Variants in SOX5 observed in about 807,000 individuals in gnomAD.
SOX5 encodes the protein SRY-box transcription factor 5.
Under a neutral mutation model 92.0 loss-of-function variants are expected in SOX5, and 9 were observed. The observed-to-expected ratio is 0.10, with a 90% CI of 0.06 to 0.17. The LOEUF (loss-of-function observed/expected upper bound fraction) is 0.17, where lower values mean the gene tolerates loss of function less well. Ranked by LOEUF, SOX5 falls within the 10% of genes least tolerant of loss-of-function variation. SOX5 has a pLI of 1.00. For synonymous variants in SOX5, 344 were observed against 336.3 expected (o/e 1.02, Z -0.25); for missense variants, 642 against 944.5 (o/e 0.68, Z 4.20).
At chr12:23,815,189 CT>C (rs1389588730) in intron 3 of SOX5, among the ~76,000 whole-genome samples, 5 of 152,090 alleles carry the variant, frequency 3.3e-5, no homozygotes, top group African/African-American at 1.2e-4. Context: ...CAGCAATTTC[CT>C]CCATCTAGCT....
At chr12:24,474,405 GA>G (rs1409435635) in intron 1 of SOX5, among the ~76,000 whole-genome samples, 1 of 152,192 alleles carries the variant, frequency 6.6e-6, no homozygotes, top group African/African-American at 2.4e-5. Flanking sequence ...CGGTGTGGAT[GA>G]CCCCCCCACC....
At chr12:23,571,053 G>A (rs1948284837) in intron 10 of SOX5, among the ~76,000 whole-genome samples, 1 of 141,760 alleles carries the variant, frequency 7.1e-6, no homozygotes, top group Admixed American at 7.1e-5. Context: ...CAGGTGGGAG[G>A]ATCATTTGAG....
chr12:23,911,560 T>C (rs1595578994), intron 1 of SOX5, among the ~76,000 whole-genome samples: 1 of 152,108 alleles, frequency 6.6e-6, no homozygotes, highest in Admixed American at 6.6e-5. Context: ...TAATAACATA[T>C]AATGATTAAA....
At chr12:24,219,978 C>T (rs894072136) in intron 3 of SOX5, among the ~76,000 whole-genome samples, 7 of 152,118 alleles carry the variant, frequency 4.6e-5, no homozygotes, top group Non-Finnish European at 7.4e-5. Flanking sequence ...TTAGTTTCCT[C>T]ATCTTTAAAG....
chr12:24,263,772 C>T (rs1007241383), intron 3 of SOX5, among the ~76,000 whole-genome samples: 4 of 152,236 alleles, frequency 2.6e-5, no homozygotes, highest in Middle Eastern at 6.8e-3. Flanking sequence ...TATTTACCTA[C>T]GTAGCATTTC....
chr12:24,273,628 C>A (rs1443122421), intron 3 of SOX5, among the ~76,000 whole-genome samples: 1 of 151,726 alleles, frequency 6.6e-6, no homozygotes, highest in Non-Finnish European at 1.5e-5. Flanking sequence ...CCTTTTCCAA[C>A]AATCGGTTTT....
chr12:24,498,432 C>T (rs1015469732), intron 1 of SOX5, among the ~76,000 whole-genome samples: 5 of 152,044 alleles, frequency 3.3e-5, no homozygotes, highest in Non-Finnish European at 5.9e-5. Flanking sequence ...ACCTACATTC[C>T]TTCTACCTCT....
chr12:23,964,500 G>A (rs1254272726), intron 4 of SOX5, among the ~76,000 whole-genome samples: 1 of 152,152 alleles, frequency 6.6e-6, no homozygotes, highest in Admixed American at 6.5e-5. Context: ...ATACCCACAA[G>A]TATACAGCAT....
chr12:23,989,204 C>T (rs541827395), intron 4 of SOX5, among the ~76,000 whole-genome samples: 1 of 127,536 alleles, frequency 7.8e-6, no homozygotes, highest in Non-Finnish European at 1.6e-5. Flanking sequence ...AAAACCCTGT[C>T]TCTGCCAAAA....
At chr12:23,621,750 A>G (rs1437464728) in intron 8 of SOX5, among the ~76,000 whole-genome samples, 2 of 152,172 alleles carry the variant, frequency 1.3e-5, no homozygotes, top group African/African-American at 4.8e-5. Flanking sequence ...AACCAAATCC[A>G]GTAATGCCTT....
chr12:24,002,569 G>GTTTTTTTTTTTTGTTCTT (rs1555468917), intron 4 of SOX5, among the ~76,000 whole-genome samples: 16 of 149,086 alleles, frequency 1.1e-4, no homozygotes, highest in African/African-American at 3.8e-4. Context: ...AATTGAATTA[G>GTTTTTTTTTTTTGTTCTT]TAATTTTCTT....
At chr12:23,602,684 A>C (rs1309454153) in intron 9 of SOX5, among the ~76,000 whole-genome samples, 1 of 152,010 alleles carries the variant, frequency 6.6e-6, no homozygotes, top group East Asian at 1.9e-4. Context: ...AGAGAATAAT[A>C]CCTCACAGAC....
intron 3 of SOX5, among the ~76,000 whole-genome samples, chr12:24,235,290 T>C (rs1465643651): frequency 6.6e-6 from 1 of 152,204 alleles, no homozygotes; most frequent in Non-Finnish European, 1.5e-5. Context: ...TAATTTAATA[T>C]TTTCTAAGCT....
intron 8 of SOX5, among the ~76,000 whole-genome samples, chr12:23,605,069 T>C (rs1200169402): frequency 6.6e-6 from 1 of 152,144 alleles, no homozygotes; most frequent in African/African-American, 2.4e-5. Context: ...CTGGTCAGTC[T>C]ACCTACATTG....
chr12:24,093,510 A>C (rs1371422157), intron 4 of SOX5, among the ~76,000 whole-genome samples: 1 of 150,696 alleles, frequency 6.6e-6, no homozygotes, highest in African/African-American at 2.4e-5. Context: ...GCGACAGGGC[A>C]AGACTCCGTC....
intron 4 of SOX5, among the ~76,000 whole-genome samples, chr12:24,078,377 G>C (rs1451319964): frequency 6.6e-6 from 1 of 152,036 alleles, no homozygotes; most frequent in East Asian, 1.9e-4. Flanking sequence ...TTTTGAATAT[G>C]AGCCACAGTT....
chr12:24,381,471 G>C (rs1052476842), intron 1 of SOX5, among the ~76,000 whole-genome samples: 9 of 152,036 alleles, frequency 5.9e-5, no homozygotes, highest in Admixed American at 5.9e-4. Flanking sequence ...TGGTTGTGTG[G>C]ATTAATTAAA....
intron 3 of SOX5, among the ~76,000 whole-genome samples, chr12:23,810,063 A>T (rs1051997206): frequency 6.6e-6 from 1 of 152,194 alleles, no homozygotes; most frequent in Non-Finnish European, 1.5e-5. Context: ...AAGAGAAAAA[A>T]CATACATCTA....
intron 3 of SOX5, among the ~76,000 whole-genome samples, chr12:23,813,464 C>T (rs2095917253): frequency 1.3e-5 from 2 of 152,036 alleles, no homozygotes; most frequent in Admixed American, 1.3e-4. Flanking sequence ...ACCTGCATAC[C>T]AATCACAAGA....
Sources: gnomAD v4.1 joint callset for allele counts (sites outside exome capture counted in the v4.1 genomes callset) on GRCh38, gnomAD v4.1.1 for gene constraint, MANE v1.5 for transcripts, NCBI Gene and HGNC (gene_info 2026-07-23, HGNC 2026-07-21) for gene names.